The following TNFRSF10B variants were observed in gnomAD, a reference collection of about 807,000 sequenced individuals.
TNFRSF10B encodes the protein TNF receptor superfamily member 10b.
TNFRSF10B carries 35 observed loss-of-function variants against 41.4 expected under a neutral mutation model. That is an observed-to-expected ratio of 0.85 (90% CI 0.65 to 1.12). The LOEUF is 1.12. TNFRSF10B is among the 50% of genes most tolerant of loss of function. TNFRSF10B has a pLI of 0.00. For missense variants in TNFRSF10B, 584 were observed against 552.7 expected (o/e 1.06, Z -0.57); for synonymous variants, 230 against 215.5 (o/e 1.07, Z -0.59).
chr8:23,045,598 T>C (rs1181140832), intron 1 of TNFRSF10B, among the ~76,000 whole-genome samples: 1 of 152,198 alleles, frequency 6.6e-6, no homozygotes, highest in Non-Finnish European at 1.5e-5. Context: ...AAGGCTTGCA[T>C]TACCTTGATA....
chr8:23,023,880 G>C (rs1466087262), intron 8 of TNFRSF10B, among the ~76,000 whole-genome samples: 1 of 152,168 alleles, frequency 6.6e-6, no homozygotes, highest in East Asian at 1.9e-4. Context: ...TGCTGTGCAG[G>C]ACAGGCCAGC....
intron 1 of TNFRSF10B, among the ~76,000 whole-genome samples, chr8:23,050,850 G>A (rs1812503627): frequency 6.6e-6 from 1 of 152,160 alleles, no homozygotes; most frequent in African/African-American, 2.4e-5. Context: ...GAGGCGGGCT[G>A]ATCACTTGAA....
In TNFRSF10B at chr8:23,030,740, G is replaced by T. The variant is rs758685049; in HGVS notation, c.364+19C>A. The stretch of plus-strand genomic sequence containing the variant: ...ACCCCGCATTCCACCTTTAGGCATG[G>T]GGTCCATATGTTCTGTACCTGAATC... On this transcript the variant is annotated intron_variant, in intron 3 of 8. Coordinates refer to ENST00000276431, the MANE Select transcript of TNFRSF10B (RefSeq NM_003842.5). 1.9e-6 allele frequency: 3 copies of T among 1,587,320 alleles called. No homozygotes were observed. Among genetic ancestry groups the T allele is most frequent in the Non-Finnish European group, 2.6e-6 (3 of 1,159,016 alleles).
At position 23,052,285 on chromosome 8, in the gene TNFRSF10B, C is replaced by CTTT. The variant is rs35496059; in HGVS notation, c.145-9045_145-9043dup. Reference sequence around the variant, plus strand: ...AGATTGTGTCCTTTTTAAAGGGTAACTTTTTTTTTTTTTTTTTTGAGACAG... The same window carrying CTTT: ...AGATTGTGTCCTTTTTAAAGGGTAACTTTTTTTTTTTTTTTTTTTTTGAGACAG... On this transcript the variant is annotated intron_variant, in intron 1 of 8. Coordinates refer to ENST00000276431, the MANE Select transcript of TNFRSF10B (RefSeq NM_003842.5). 5.0e-3 allele frequency among the ~76,000 whole-genome samples: 645 copies of CTTT among 129,532 alleles called. 19 individuals carry two copies. The highest frequency in any genetic ancestry group is 0.016 in the African/African-American group (543 of 34,458). The allele number at this position is 129,532 out of a possible 152,430, so 85.0% of individuals were successfully genotyped here.
intron 6 of TNFRSF10B, 85 bp downstream of exon 6, chr8:23,027,637 T>A: frequency 1.3e-6 from 2 of 1,592,624 alleles, no homozygotes; most frequent in South Asian, 1.1e-5. Flanking sequence ...ATGAGGACAA[T>A]GGGGACCCAC....
chr8:23,041,072 T>C (rs923376063), intron 2 of TNFRSF10B, among the ~76,000 whole-genome samples: 1 of 151,622 alleles, frequency 6.6e-6, no homozygotes, highest in Non-Finnish European at 1.5e-5. Context: ...TTGTTTTTTT[T>C]TTTTGAGACA....
At chr8:23,032,655 CTGTT>C (rs1479324271) in intron 2 of TNFRSF10B, among the ~76,000 whole-genome samples, 1 of 152,058 alleles carries the variant, frequency 6.6e-6, no homozygotes, top group African/African-American at 2.4e-5. Context: ...GAATATCTTC[CTGTT>C]TATTTTGCTT....
chr8:23,024,738 G>T (rs930071337), intron 7 of TNFRSF10B, among the ~76,000 whole-genome samples: 1 of 151,994 alleles, frequency 6.6e-6, no homozygotes, highest in Non-Finnish European at 1.5e-5. Flanking sequence ...TCACCATGTT[G>T]GCCAGGCTAG....
intron 3 of TNFRSF10B, 112 bp downstream of exon 3, chr8:23,030,644 TATG>T: frequency 1.3e-6 from 1 of 758,584 alleles, no homozygotes; most frequent in South Asian, 1.5e-5. Context: ...TGGAACATGG[TATG>T]ATGAAGACCA....
chr8:23,053,724 G>C (rs1019098060), intron 1 of TNFRSF10B, among the ~76,000 whole-genome samples: 2 of 152,124 alleles, frequency 1.3e-5, no homozygotes, highest in African/African-American at 4.8e-5. Context: ...GGGTAAATGT[G>C]TCTATAAGGT....
chr8:23,027,137 A>C lies in TNFRSF10B; in HGVS notation c.932T>G (p.Leu311Arg). Residue 311 changes from leucine (L) to arginine (R), a missense_variant, in exon 7 of 9, where the codon CTG becomes CGG. Coordinates refer to ENST00000276431, the MANE Select transcript of TNFRSF10B (RefSeq NM_003842.5). ...NMLSPGESEH[L>R]LEPAEAERSQ... ...AATGATCTGTCCCCCACTCACCAGC[A>C]GATGCTCTGACTCCCCGGGGGACAA... 1.2e-6 allele frequency: 2 copies of C among 1,614,058 alleles called. No homozygotes were observed. The highest frequency in any genetic ancestry group is 1.7e-6 in the Non-Finnish European group (2 of 1,180,012).
chr8:23,043,295 C>G (rs1456778360), intron 1 of TNFRSF10B, 52 bp from the exon 2 acceptor site: 1 of 1,454,304 alleles, frequency 6.9e-7, no homozygotes, highest in Non-Finnish European at 9.6e-7. Context: ...CCTCACCCCT[C>G]CCAGGATCCA....
At chr8:23,041,051 T>C (rs886480540) in intron 2 of TNFRSF10B, among the ~76,000 whole-genome samples, 1 of 57,656 alleles carries the variant, frequency 1.7e-5, no homozygotes. Flanking sequence ...TATATGATAA[T>C]TTTTTTTTTG....
At chr8:23,058,772 G>T (rs34408955) in intron 1 of TNFRSF10B, among the ~76,000 whole-genome samples, 1 of 151,930 alleles carries the variant, frequency 6.6e-6, no homozygotes, top group East Asian at 1.9e-4. Flanking sequence ...GGTGTGAGCC[G>T]CCGTGCCCAG....
chr8:23,023,965 G>A (rs925358429), intron 8 of TNFRSF10B, among the ~76,000 whole-genome samples: 3 of 152,058 alleles, frequency 2.0e-5, no homozygotes, highest in African/African-American at 4.8e-5. Flanking sequence ...ATGAGGGGAC[G>A]GACAGAGTCA....
chr8:23,060,453 TGTGA>T (rs1259556728), intron 1 of TNFRSF10B, among the ~76,000 whole-genome samples: 1 of 152,206 alleles, frequency 6.6e-6, no homozygotes, highest in Admixed American at 6.5e-5. Flanking sequence ...TGGCCATATA[TGTGA>T]GTGTTTATTT....
chr8:23,043,553 T>C (rs887666327), intron 1 of TNFRSF10B, among the ~76,000 whole-genome samples: 2 of 152,360 alleles, frequency 1.3e-5, no homozygotes, highest in Admixed American at 1.3e-4. Context: ...TAATATTTTG[T>C]CTCATTTAGT....
At chr8:23,024,312 C>G (rs776332885) in intron 7 of TNFRSF10B, 52 bp from the exon 8 acceptor site, 4 of 1,605,938 alleles carry the variant, frequency 2.5e-6, no homozygotes, top group Non-Finnish European at 2.6e-6. Flanking sequence ...TCCTACAGTC[C>G]AGTACTGACC....
rs760730840 is a variant in TNFRSF10B, at chr8:23,027,748, C to T, written c.754G>A (p.Gly252Ser). ...CTGTCCACACGCTCAGGGTCCCCAC[C>T]ACCACCTAAAAAAGAAGCAGTCTCC... ...PYLKGICSGG[G>S]GDPERVDRSS... The change falls in exon 6 of 9, where the codon GGT becomes AGT. Residue 252 changes from glycine to serine, a missense_variant. Transcript: ENST00000276431. The T allele has an allele frequency of 6.2e-7, 1 of 1,614,098 alleles. No individual in the cohort carries two copies. The highest frequency in any genetic ancestry group is 1.1e-5 in the South Asian group (1 of 91,082).
Sources: allele counts gnomAD v4.1 joint callset (sites outside exome capture counted in the v4.1 genomes callset), GRCh38; gene constraint gnomAD v4.1.1; transcripts MANE v1.5; gene names NCBI Gene and HGNC (gene_info 2026-07-23, HGNC 2026-07-21).